Variants in SCRN1 observed in about 807,000 individuals in gnomAD.
SCRN1 encodes secernin-1.
A neutral mutation model predicts 43.3 loss-of-function variants in SCRN1; 19 were observed. The observed-to-expected ratio is 0.44, with a 90% confidence interval of 0.31 to 0.64. The LOEUF is 0.64. SCRN1 is among the 30% of genes least tolerant of loss of function. The pLI is 0.09. For synonymous variants in SCRN1, 183 were observed against 188.9 expected (o/e 0.97, Z 0.26); for missense variants, 447 against 524.1 (o/e 0.85, Z 1.44).
rs773263818 is a variant in SCRN1 at position 29,984,747 on chromosome 7, C to A, written c.-2+4895G>T. On this transcript the variant is annotated intron_variant, in intron 1 of 7. Transcript: ENST00000242059. ...ACCAGCCTGGCCAACATGGTGAAACCCCGCCTCTACTAAAAATACAAAAAT... is the reference window on the plus strand; with the variant it reads ...ACCAGCCTGGCCAACATGGTGAAACACCGCCTCTACTAAAAATACAAAAAT... 2.0e-3 allele frequency among the ~76,000 whole-genome samples: 298 copies of A among 149,402 alleles called. 1 individual carries two copies. The highest frequency in any genetic ancestry group is 2.9e-3 in the Admixed American group (44 of 14,928).
intron 2 of SCRN1, among the ~76,000 whole-genome samples, chr7:29,958,407 T>G (rs574209866): frequency 6.6e-6 from 1 of 152,292 alleles, no homozygotes; most frequent in East Asian, 1.9e-4. Flanking sequence ...ATCTAGAACA[T>G]GAACTCCACA....
intron 4 of SCRN1, among the ~76,000 whole-genome samples, chr7:29,942,441 G>A (rs1787588168): frequency 1.3e-5 from 2 of 152,266 alleles, no homozygotes; most frequent in South Asian, 2.1e-4. Context: ...TTGAAGAGAC[G>A]CTCAGCTTTT....
At position 29,926,341 on chromosome 7, in the gene SCRN1, C is replaced by T. The variant is rs143493515; in HGVS notation, c.1086+111G>A. 1,424 of 1,183,734 alleles carry T rather than the reference C, an allele frequency of 1.2e-3. 9 individuals carry two copies. In the African/African-American group the frequency reaches 0.019, roughly 16 times the overall value. The allele number at this position is 1,183,734 out of a possible 1,614,324, so 73.3% of individuals were successfully genotyped here. A position where few individuals can be genotyped will look rare whatever the true frequency, so the allele number is the denominator to read the frequency against. On this transcript the variant is annotated intron_variant, in intron 7 of 7. Transcript: ENST00000242059. ...GGTCTCTGGGAGAAGCCCGGTCACACTGGATGGGTGGGGGTAGGGTCTAGC... is the reference window on the plus strand; with the variant it reads ...GGTCTCTGGGAGAAGCCCGGTCACATTGGATGGGTGGGGGTAGGGTCTAGC...
At chr7:29,947,058 C>A in intron 3 of SCRN1, 1 of 1,010,978 alleles carries the variant, frequency 9.9e-7, no homozygotes, top group Non-Finnish European at 1.4e-6. Context: ...ACTTTGGCTG[C>A]TACCCCTCTG....
chr7:29,986,191 G>A (rs1789146347), intron 1 of SCRN1, among the ~76,000 whole-genome samples: 1 of 152,200 alleles, frequency 6.6e-6, no homozygotes, highest in Non-Finnish European at 1.5e-5. Flanking sequence ...AGCCGAGATC[G>A]TGCCACTGCA....
At chr7:29,968,878 G>A in intron 2 of SCRN1, 31 bp downstream of exon 2, 1 of 1,613,144 alleles carries the variant, frequency 6.2e-7, no homozygotes, top group South Asian at 1.1e-5. Context: ...AAAAGAGAGT[G>A]TGACTCGCGA....
chr7:29,931,937 C>G (rs1275555975), intron 6 of SCRN1, among the ~76,000 whole-genome samples: 1 of 152,186 alleles, frequency 6.6e-6, no homozygotes, highest in African/African-American at 2.4e-5. Context: ...CAAAGTCACA[C>G]CTGGCTCCCA....
At chr7:29,926,389 C>T in intron 7 of SCRN1, 63 bp downstream of exon 7, 1 of 1,558,396 alleles carries the variant, frequency 6.4e-7, no homozygotes, top group African/African-American at 1.4e-5. Flanking sequence ...TCCCTGCCTC[C>T]TTCCTCGCTG....
intron 6 of SCRN1, among the ~76,000 whole-genome samples, chr7:29,931,717 C>G (rs1479779774): frequency 6.6e-6 from 1 of 152,208 alleles, no homozygotes; most frequent in African/African-American, 2.4e-5. Context: ...CCAGGCTGCT[C>G]CTGTGACCTG....
intron 3 of SCRN1, among the ~76,000 whole-genome samples, chr7:29,948,187 T>C (rs1479283486): frequency 1.3e-5 from 2 of 152,330 alleles, no homozygotes; most frequent in East Asian, 3.9e-4. Flanking sequence ...TGTGCTCCAC[T>C]ACATAGAGGA....
At chr7:29,933,741 T>G (rs115316272) in intron 6 of SCRN1, among the ~76,000 whole-genome samples, 5,573 of 150,868 alleles carry the variant, frequency 0.037, 158 homozygotes, top group African/African-American at 0.081. Flanking sequence ...AGGGAGGGAG[T>G]AGAAAAGAGG....
intron 2 of SCRN1, among the ~76,000 whole-genome samples, chr7:29,961,049 ATCT>A (rs1210238794): frequency 6.9e-6 from 1 of 145,198 alleles, no homozygotes; most frequent in Non-Finnish European, 1.5e-5. Context: ...GTGCTGGAGG[ATCT>A]TATTTCTTTT....
chr7:29,949,172 G>A (rs908582040), intron 3 of SCRN1, among the ~76,000 whole-genome samples: 20 of 151,536 alleles, frequency 1.3e-4, no homozygotes, highest in Non-Finnish European at 1.9e-4. Context: ...AAAATTAGCC[G>A]GGCATGGTGG....
intron 1 of SCRN1, among the ~76,000 whole-genome samples, chr7:29,974,543 C>A (rs1029373947): frequency 6.6e-6 from 1 of 152,116 alleles, no homozygotes; most frequent in Non-Finnish European, 1.5e-5. Context: ...GAACTCAATT[C>A]TCTTCCTATT....
chr7:29,954,901 G>A (rs1194168775), intron 3 of SCRN1, among the ~76,000 whole-genome samples: 6 of 152,088 alleles, frequency 3.9e-5, no homozygotes, highest in African/African-American at 1.2e-4. Flanking sequence ...GGCTGGTCTC[G>A]AACTCCTGAC....
chr7:29,936,675 G>A lies in SCRN1; in HGVS notation c.786C>T (p.Ala262=), dbSNP rs1412696363. ...QTMMNTLRDK[A]SGVCIDSEFF... ...ACTCAGAGTCTATGCACACTCCGCT[G>A]GCTTTGTCCCGTAAGGTGTTCATCA... The change falls in exon 6 of 8, where the codon GCC becomes GCT. Residue 262 remains alanine (A), a synonymous_variant. Coordinates refer to ENST00000242059, the MANE Select transcript of SCRN1 (RefSeq NM_014766.5). 2 of 1,594,456 alleles carry A rather than the reference G, an allele frequency of 1.3e-6. No individual in the cohort carries two copies. The highest frequency in any genetic ancestry group is 1.7e-6 in the Non-Finnish European group (2 of 1,165,004).
chr7:29,971,777 C>T (rs1179277044), intron 1 of SCRN1, among the ~76,000 whole-genome samples: 1 of 152,102 alleles, frequency 6.6e-6, no homozygotes, highest in East Asian at 1.9e-4. Flanking sequence ...CATCAATATT[C>T]TATGTTTAGA....
At chr7:29,941,742 C>T (rs1787564595) in intron 4 of SCRN1, among the ~76,000 whole-genome samples, 1 of 152,238 alleles carries the variant, frequency 6.6e-6, no homozygotes, top group Admixed American at 6.5e-5. Context: ...AGCTGGCTGG[C>T]TTGCTATGTC....
chr7:29,927,331 C>G (rs1031929338), intron 6 of SCRN1, among the ~76,000 whole-genome samples: 2 of 151,924 alleles, frequency 1.3e-5, no homozygotes, highest in Non-Finnish European at 2.9e-5. Context: ...TGTACTTGTA[C>G]AAGTCTAGGA....
Sources: allele counts gnomAD v4.1 joint callset (sites outside exome capture counted in the v4.1 genomes callset), GRCh38; gene constraint gnomAD v4.1.1; transcripts MANE v1.5; gene names NCBI Gene and HGNC (gene_info 2026-07-23, HGNC 2026-07-21).